The following PDK1 variants were observed in gnomAD, a reference collection of about 807,000 sequenced individuals.
PDK1 encodes the protein pyruvate dehydrogenase kinase 1, also known as [Pyruvate dehydrogenase (acetyl-transferring)] kinase isozyme 1, mitochondrial.
In PDK1, 39 loss-of-function variants were observed where a neutral mutation model predicts 54.2. The observed-to-expected ratio is 0.72, with a 90% CI of 0.56 to 0.94. PDK1 has a LOEUF of 0.94. PDK1 is among the 40% of genes least tolerant of loss of function. The pLI is 0.00. For missense variants in PDK1, 552 were observed against 566.0 expected (o/e 0.98, Z 0.25); for synonymous variants, 221 against 207.1 (o/e 1.07, Z -0.58).
intron 1 of PDK1, 41 bp from the exon 2 acceptor site, chr2:172,558,667 T>G: frequency 6.5e-7 from 1 of 1,537,546 alleles, no homozygotes; most frequent in Non-Finnish European, 8.7e-7. Flanking sequence ...TGTTTCCTTA[T>G]GGCTTTTACT....
At chr2:172,691,887 G>A in the PDK1 span, among the ~76,000 whole-genome samples, 2 of 152,206 alleles carry the variant, frequency 1.3e-5, no homozygotes, top group South Asian at 4.1e-4. Flanking sequence ...TCCATGTGTA[G>A]TTTTTGTGTG....
chr2:172,571,436 T>C (rs1689251545), intron 8 of PDK1, among the ~76,000 whole-genome samples: 1 of 152,230 alleles, frequency 6.6e-6, no homozygotes, highest in African/African-American at 2.4e-5. Flanking sequence ...TGATCATCAC[T>C]CACTGTGACC....
At chr2:172,571,023 G>GT (rs1689223244) in intron 8 of PDK1, among the ~76,000 whole-genome samples, 199 bp downstream of exon 8, 1 of 152,052 alleles carries the variant, frequency 6.6e-6, no homozygotes, top group Non-Finnish European at 1.5e-5. Flanking sequence ...TTCTATGCAG[G>GT]TCCCCCGTCG....
At chr2:172,620,588 A>G in the PDK1 span, among the ~76,000 whole-genome samples, 1 of 152,170 alleles carries the variant, frequency 6.6e-6, no homozygotes, top group Non-Finnish European at 1.5e-5. Flanking sequence ...TTGAATTATA[A>G]TCCGCAGTAT....
At chr2:172,569,923 C>T (rs534999119) in intron 7 of PDK1, among the ~76,000 whole-genome samples, 1 of 152,248 alleles carries the variant, frequency 6.6e-6, no homozygotes, top group East Asian at 1.9e-4. Context: ...ATTCCAGTGG[C>T]ATAAAGATCT....
the PDK1 span, among the ~76,000 whole-genome samples, chr2:172,680,683 T>A: frequency 6.6e-6 from 1 of 152,184 alleles, no homozygotes; most frequent in Non-Finnish European, 1.5e-5. Flanking sequence ...TTTTTTACTT[T>A]ATGTCTACAG....
the PDK1 span, among the ~76,000 whole-genome samples, chr2:172,672,137 A>G: frequency 7.2e-5 from 11 of 152,184 alleles, no homozygotes; most frequent in African/African-American, 2.4e-4. Flanking sequence ...GAGGAAGACA[A>G]ATGTAGATCC....
the PDK1 span, among the ~76,000 whole-genome samples, chr2:172,689,472 C>A: frequency 4.8e-4 from 73 of 152,306 alleles, no homozygotes; most frequent in African/African-American, 1.6e-3. Context: ...CTACCAATGA[C>A]TTTCTTCACA....
At chr2:172,619,110 G>T in the PDK1 span, among the ~76,000 whole-genome samples, 1 of 152,096 alleles carries the variant, frequency 6.6e-6, no homozygotes, top group Non-Finnish European at 1.5e-5. Flanking sequence ...TTCACCACTT[G>T]TATGCTACCC....
the PDK1 span, among the ~76,000 whole-genome samples, chr2:172,682,291 A>G: frequency 1.3e-5 from 2 of 152,228 alleles, no homozygotes; most frequent in Admixed American, 1.3e-4. Context: ...CATCAGCAAA[A>G]TGATGAAGGC....
the PDK1 span, among the ~76,000 whole-genome samples, chr2:172,614,109 C>T: frequency 2.6e-5 from 4 of 152,000 alleles, no homozygotes; most frequent in East Asian, 1.9e-4. Flanking sequence ...CAGCCGTGAC[C>T]GCCCTCCCAG....
At chr2:172,704,086 T>C in the PDK1 span, among the ~76,000 whole-genome samples, 12 of 152,286 alleles carry the variant, frequency 7.9e-5, no homozygotes, top group African/African-American at 2.6e-4. Flanking sequence ...CTTTTTCTCT[T>C]GTAATTGCTT....
the PDK1 span, among the ~76,000 whole-genome samples, chr2:172,628,653 C>G: frequency 6.6e-6 from 1 of 152,154 alleles, no homozygotes; most frequent in Non-Finnish European, 1.5e-5. Flanking sequence ...ACATCTCACT[C>G]TATTTCTTAC....
chr2:172,660,248 T>C, the PDK1 span, among the ~76,000 whole-genome samples: 3 of 79,792 alleles, frequency 3.8e-5, no homozygotes, highest in Non-Finnish European at 6.8e-5. Context: ...TCTCTCTCTC[T>C]TTTTTTTTTT....
chr2:172,621,794 G>GTC, the PDK1 span, among the ~76,000 whole-genome samples: 2,356 of 115,944 alleles, frequency 0.02, 57 homozygotes, highest in Non-Finnish European at 0.026. Context: ...TCATATGTAT[G>GTC]ATATATGTTT....
intron 8 of PDK1, among the ~76,000 whole-genome samples, chr2:172,578,703 G>A (rs1689714571): frequency 6.7e-6 from 1 of 149,954 alleles, no homozygotes; most frequent in Non-Finnish European, 1.5e-5. Context: ...AGATACTGCT[G>A]TCTCCCCAAG....
the PDK1 span, among the ~76,000 whole-genome samples, chr2:172,648,858 C>T: frequency 6.6e-6 from 1 of 152,222 alleles, no homozygotes; most frequent in African/African-American, 2.4e-5. Context: ...GTGAAGCCCA[C>T]CGCAGCTTAA....
At chr2:172,677,232 T>A in the PDK1 span, 1 of 152,254 alleles carries the variant, frequency 6.6e-6, no homozygotes, top group African/African-American at 2.4e-5. Context: ...TGCAGTGTGA[T>A]AAATGGTGTC....
chr2:172,556,380 G>A, intron 1 of PDK1, 34 bp downstream of exon 1: 1 of 1,357,608 alleles, frequency 7.4e-7, no homozygotes, highest in Non-Finnish European at 9.5e-7. Flanking sequence ...GCCTTTTTGC[G>A]CGGTCCCGGG....
Sources: gnomAD v4.1 joint callset for allele counts (sites outside exome capture counted in the v4.1 genomes callset) on GRCh38, gnomAD v4.1.1 for gene constraint, MANE v1.5 for transcripts, NCBI Gene and HGNC (gene_info 2026-07-23, HGNC 2026-07-21) for gene names.